CTIF: variants seen among roughly 807,000 people sequenced by gnomAD.
CTIF encodes the protein CBP80/20-dependent translation initiation factor.
Under a neutral mutation model 66.0 loss-of-function variants are expected in CTIF, and 21 were observed. The observed-to-expected ratio is 0.32, with a 90% confidence interval of 0.23 to 0.46. The LOEUF (loss-of-function observed/expected upper bound fraction) is 0.46. Ranked by LOEUF, CTIF falls within the 20% of genes least tolerant of loss-of-function variation. The probability of loss-of-function intolerance (pLI) is 1.00; values close to 1 mark genes in which losing one functional copy is unlikely to be tolerated. For missense variants in CTIF, 739 were observed against 812.7 expected (o/e 0.91, Z 1.10); for synonymous variants, 345 against 326.4 (o/e 1.06, Z -0.62).
At chr18:48,796,618 G>A (rs531145695) in intron 9 of CTIF, among the ~76,000 whole-genome samples, 1 of 152,268 alleles carries the variant, frequency 6.6e-6, no homozygotes, top group Non-Finnish European at 1.5e-5. Flanking sequence ...TGATGACAAG[G>A]AAGTGGCCAT....
chr18:48,559,069 T>C (rs547599922), intron 1 of CTIF, among the ~76,000 whole-genome samples: 5 of 152,332 alleles, frequency 3.3e-5, no homozygotes, highest in Non-Finnish European at 5.9e-5. Context: ...GTGATGGTGA[T>C]CATATTTTCT....
chr18:48,732,940 A>G (rs1256432312), intron 7 of CTIF, among the ~76,000 whole-genome samples: 1 of 152,246 alleles, frequency 6.6e-6, no homozygotes, highest in Non-Finnish European at 1.5e-5. Flanking sequence ...TTTGATCTAC[A>G]TCACCATAAT....
chr18:48,582,460 A>C (rs1281791259), intron 1 of CTIF, among the ~76,000 whole-genome samples: 1 of 152,146 alleles, frequency 6.6e-6, no homozygotes, highest in Non-Finnish European at 1.5e-5. Context: ...TGGGGGCCTC[A>C]TGCACATGAG....
At chr18:48,648,730 T>C (rs1322437094) in intron 3 of CTIF, among the ~76,000 whole-genome samples, 1 of 152,180 alleles carries the variant, frequency 6.6e-6, no homozygotes, top group African/African-American at 2.4e-5. Flanking sequence ...TTTCATGTAA[T>C]GTAAAAGCCC....
In CTIF at chr18:48,603,571, G is replaced by A. The variant is rs1598726069; in HGVS notation, c.-28-15967G>A. On this transcript the variant is annotated intron_variant, in intron 1 of 11. Transcript: ENST00000256413. Reference sequence around the variant, plus strand: ...GATGGATGGATGGATAAATGGGGGGGTGGATGGCTGGCTGGGTGGATAGAT... The same window carrying A: ...GATGGATGGATGGATAAATGGGGGGATGGATGGCTGGCTGGGTGGATAGAT... Among the ~76,000 whole-genome samples, 4 of 146,884 alleles carry A rather than the reference G, an allele frequency of 2.7e-5. No individual in the cohort carries two copies. In the South Asian group the frequency reaches 8.9e-4, roughly 33 times the overall value.
intron 1 of CTIF, among the ~76,000 whole-genome samples, chr18:48,555,551 AC>A (rs1162740051): frequency 6.6e-6 from 1 of 152,066 alleles, no homozygotes; most frequent in African/African-American, 2.4e-5. Flanking sequence ...GCAGGCTCCT[AC>A]CCCTGAAAAT....
intron 9 of CTIF, among the ~76,000 whole-genome samples, chr18:48,768,507 C>T (rs1909789906): frequency 6.6e-6 from 1 of 152,170 alleles, no homozygotes; most frequent in Non-Finnish European, 1.5e-5. Context: ...GGGAAAGTGG[C>T]TCAGTGAGGC....
chr18:48,601,792 G>A (rs1348073555), intron 1 of CTIF, among the ~76,000 whole-genome samples: 1 of 152,242 alleles, frequency 6.6e-6, no homozygotes, highest in Non-Finnish European at 1.5e-5. Context: ...TGGAAGACAA[G>A]CTTAGGGATG....
intron 6 of CTIF, 22 bp downstream of exon 6, chr18:48,670,766 C>CT (rs2091520272): frequency 6.2e-7 from 1 of 1,603,994 alleles, no homozygotes; most frequent in Non-Finnish European, 8.5e-7. Context: ...GGCAGGCTCT[C>CT]TAACAGCCCA....
intron 7 of CTIF, among the ~76,000 whole-genome samples, chr18:48,740,663 C>T (rs567426973): frequency 3.3e-4 from 50 of 152,324 alleles, no homozygotes; most frequent in African/African-American, 1.2e-3. Flanking sequence ...AGGCCTTGCC[C>T]TTGTCCTGCC....
intron 7 of CTIF, among the ~76,000 whole-genome samples, chr18:48,718,574 A>G (rs556612983): frequency 3.9e-5 from 6 of 152,272 alleles, no homozygotes; most frequent in Admixed American, 3.9e-4. Context: ...GCCACTCAAG[A>G]AGAGGGAGTG....
intron 1 of CTIF, among the ~76,000 whole-genome samples, chr18:48,541,516 T>C (rs1052063922): frequency 6.6e-6 from 1 of 152,222 alleles, no homozygotes; most frequent in South Asian, 2.1e-4. Flanking sequence ...TCCAGGCTCC[T>C]AGCAGGCTCG....
At chr18:48,740,341 C>T (rs1043688468) in intron 7 of CTIF, among the ~76,000 whole-genome samples, 3 of 152,198 alleles carry the variant, frequency 2.0e-5, no homozygotes, top group Admixed American at 6.5e-5. Flanking sequence ...CCCCTACCAT[C>T]GACCTCCAGA....
intron 10 of CTIF, among the ~76,000 whole-genome samples, chr18:48,846,905 G>C (rs781074855): frequency 6.6e-6 from 1 of 152,118 alleles, no homozygotes; most frequent in African/African-American, 2.4e-5. Flanking sequence ...ATAAAAGGGT[G>C]GATGAGTGGA....
At chr18:48,547,870 T>A (rs2088790494) in intron 1 of CTIF, among the ~76,000 whole-genome samples, 1 of 152,156 alleles carries the variant, frequency 6.6e-6, no homozygotes, top group Non-Finnish European at 1.5e-5. Context: ...GGCTCGGTGC[T>A]TTTCGGATGA....
rs1277837545 is a variant in CTIF at position 48,646,753 on chromosome 18, AAAAG to A, written c.252+10072_252+10075del. On this transcript the variant is annotated intron_variant, in intron 3 of 11. Coordinates refer to ENST00000256413, the MANE Select transcript of CTIF (RefSeq NM_014772.3). Reference sequence around the variant, plus strand: ...CAGCGAGACCCTGTCTCAAAAAAAAAAAAGAAAATAAAATAAAAACAAAAAGGAA... The same window carrying A: ...CAGCGAGACCCTGTCTCAAAAAAAAAAAAATAAAATAAAAACAAAAAGGAA... 1.6e-4 allele frequency among the ~76,000 whole-genome samples: 25 copies of A among 151,696 alleles called. 1 individual carries two copies. The highest frequency in any genetic ancestry group is 5.3e-4 in the African/African-American group (22 of 41,172).
At chr18:48,703,128 C>G (rs1205437797) in intron 6 of CTIF, among the ~76,000 whole-genome samples, 1 of 152,084 alleles carries the variant, frequency 6.6e-6, no homozygotes, top group African/African-American at 2.4e-5. Flanking sequence ...CTGGACTTGG[C>G]CTGAGGATCT....
chr18:48,670,632 C>T (rs2091517126), intron 5 of CTIF, 37 bp from the exon 6 acceptor site: 1 of 1,576,978 alleles, frequency 6.3e-7, no homozygotes, highest in Non-Finnish European at 8.7e-7. Context: ...CATGAATGAG[C>T]CATCTTTCCA....
chr18:48,604,168 G>GTTTTTTTT (rs34544217), intron 1 of CTIF, among the ~76,000 whole-genome samples: 3 of 63,264 alleles, frequency 4.7e-5, no homozygotes, highest in African/African-American at 1.5e-4. Context: ...TTTTTTAAGG[G>GTTTTTTTT]TTTTTTTTTT....
Sources: allele counts gnomAD v4.1 joint callset (sites outside exome capture counted in the v4.1 genomes callset), GRCh38; gene constraint gnomAD v4.1.1; transcripts MANE v1.5; gene names NCBI Gene and HGNC (gene_info 2026-07-23, HGNC 2026-07-21).